GRK7: variants seen among roughly 807,000 people sequenced by gnomAD.
GRK7 encodes G protein-coupled receptor kinase 7, also known as rhodopsin kinase GRK7.
A neutral mutation model predicts 34.1 loss-of-function variants in GRK7; 24 were observed. The ratio of observed to expected loss-of-function variants is 0.70; its 90% CI spans 0.51 to 0.99. GRK7 has a LOEUF of 0.99. Among genes scored for constraint, GRK7 ranks in the 50% least tolerant of loss-of-function variants. The probability of loss-of-function intolerance (pLI) is 0.00; values close to 1 mark genes in which losing one functional copy is unlikely to be tolerated. For missense variants in GRK7, 644 were observed against 707.3 expected, an observed-to-expected ratio of 0.91 and a Z score of 1.02; for synonymous variants, 256 against 279.4, an observed-to-expected ratio of 0.92 and a Z score of 0.84.
At chr3:141,770,063 C>T (rs573981801) in intron 1 of GRK7, among the ~76,000 whole-genome samples, 1 of 152,076 alleles carries the variant, frequency 6.6e-6, no homozygotes, top group African/African-American at 2.4e-5. Flanking sequence ...TACAACCGCC[C>T]GCTACCATGC....
At chr3:141,772,287 G>T (rs2084620408) in intron 1 of GRK7, among the ~76,000 whole-genome samples, 1 of 151,612 alleles carries the variant, frequency 6.6e-6, no homozygotes, top group South Asian at 2.1e-4. Context: ...TAGAGATGAG[G>T]TTTCACCATA....
chr3:141,816,547 G>A (rs533406039), intron 5 of GRK7, among the ~76,000 whole-genome samples, 167 bp from the exon 6 acceptor site: 1 of 151,946 alleles, frequency 6.6e-6, no homozygotes, highest in Non-Finnish European at 1.5e-5. Context: ...GGGAATTTGG[G>A]GTGATTTCAA....
In GRK7 at chr3:141,790,484, C is replaced by T. The variant is rs568012099; in HGVS notation, c.1050+9673C>T. 1.1e-4 allele frequency among the ~76,000 whole-genome samples: 17 copies of T among 152,038 alleles called. 1 individual carries two copies. Among genetic ancestry groups the T allele is most frequent in the African/African-American group, 3.9e-4 (16 of 41,466 alleles). On this transcript the variant is annotated intron_variant, in intron 4 of 5. Transcript: ENST00000682958. ...TCAGCCCCACCTACACAGGGAATGA[C>T]GGCCATTAATATTTCAGAGCCAGCT...
intron 4 of GRK7, among the ~76,000 whole-genome samples, chr3:141,782,132 G>C (rs2084674774): frequency 6.6e-6 from 1 of 152,140 alleles, no homozygotes; most frequent in African/African-American, 2.4e-5. Context: ...GTTTTAAGAA[G>C]GGAAATGACA....
chr3:141,773,582 G>A (rs2084626210), intron 1 of GRK7, among the ~76,000 whole-genome samples: 1 of 152,092 alleles, frequency 6.6e-6, no homozygotes, highest in Admixed American at 6.6e-5. Context: ...CACTATCTCG[G>A]CTCACTGCAA....
At chr3:141,770,565 G>GA (rs59359078) in intron 1 of GRK7, among the ~76,000 whole-genome samples, 11,367 of 131,164 alleles carry the variant, frequency 0.087, 591 homozygotes, top group African/African-American at 0.18. Flanking sequence ...AAAGAAAAAA[G>GA]AAAAAAAAAA....
At chr3:141,762,081 G>T (rs1012059460), upstream of GRK7, among the ~76,000 whole-genome samples, 1 of 149,972 alleles carries the variant, frequency 6.7e-6, no homozygotes, top group Non-Finnish European at 1.5e-5. Context: ...GTAGCTCAGA[G>T]TAATTTGATT....
At chr3:141,797,275 A>T (rs967410452) in intron 4 of GRK7, among the ~76,000 whole-genome samples, 11 of 152,294 alleles carry the variant, frequency 7.2e-5, no homozygotes, top group African/African-American at 2.6e-4. Flanking sequence ...AGCCCTGAGA[A>T]GCCAGGGGCA....
At chr3:141,801,036 T>C (rs541211875) in intron 4 of GRK7, among the ~76,000 whole-genome samples, 91 of 152,058 alleles carry the variant, frequency 6.0e-4, no homozygotes, top group African/African-American at 2.1e-3. Flanking sequence ...ATGGGCCGGG[T>C]GCAGTGGCTC....
intron 2 of GRK7, among the ~76,000 whole-genome samples, 176 bp downstream of exon 2, chr3:141,774,856 G>A (rs1212600702): frequency 2.6e-5 from 4 of 151,232 alleles, no homozygotes; most frequent in South Asian, 4.2e-4. Flanking sequence ...TCACTCTGTC[G>A]ATCTCGGTTC....
intron 5 of GRK7, among the ~76,000 whole-genome samples, chr3:141,809,362 T>A (rs1199027269): frequency 6.6e-6 from 1 of 152,166 alleles, no homozygotes; most frequent in African/African-American, 2.4e-5. Flanking sequence ...ACTGTTAAAA[T>A]TGAAGCCAAG....
intron 1 of GRK7, among the ~76,000 whole-genome samples, chr3:141,768,773 G>A (rs2107871551): frequency 6.6e-6 from 1 of 152,174 alleles, no homozygotes; most frequent in East Asian, 1.9e-4. Context: ...AGGAGCCAGT[G>A]GTTTCCATCC....
At chr3:141,800,469 G>A (rs1278767439) in intron 4 of GRK7, among the ~76,000 whole-genome samples, 2 of 149,946 alleles carry the variant, frequency 1.3e-5, no homozygotes, top group Admixed American at 6.6e-5. Flanking sequence ...AAACAAGAAC[G>A]ATGCAGGGAA....
chr3:141,771,079 A>G (rs2084614975), intron 1 of GRK7, among the ~76,000 whole-genome samples: 1 of 152,180 alleles, frequency 6.6e-6, no homozygotes, highest in Non-Finnish European at 1.5e-5. Context: ...TATCTCCTCA[A>G]AGGAAATCAT....
intron 4 of GRK7, among the ~76,000 whole-genome samples, chr3:141,794,271 G>C (rs541160148): frequency 6.6e-6 from 1 of 152,350 alleles, no homozygotes; most frequent in African/African-American, 2.4e-5. Flanking sequence ...ATGCCTCTGA[G>C]CACAGGGCCC....
the GRK7 span, among the ~76,000 whole-genome samples, chr3:141,753,300 C>G: frequency 6.6e-6 from 1 of 152,200 alleles, no homozygotes; most frequent in Non-Finnish European, 1.5e-5. Flanking sequence ...GCTGTATATT[C>G]TGTTTTCAAC....
chr3:141,815,226 GTTTT>G (rs758074179), intron 5 of GRK7, among the ~76,000 whole-genome samples: 6 of 104,326 alleles, frequency 5.8e-5, no homozygotes, highest in Admixed American at 3.0e-4. Flanking sequence ...TGTCTGGTTG[GTTTT>G]TTTTGTTTGT....
chr3:141,797,656 C>A (rs1413208277), intron 4 of GRK7, among the ~76,000 whole-genome samples: 1 of 152,100 alleles, frequency 6.6e-6, no homozygotes, highest in Non-Finnish European at 1.5e-5. Flanking sequence ...GAAGAGGCAT[C>A]CGCGGGCGAT....
chr3:141,804,629 A>G (rs1711004658), intron 4 of GRK7, among the ~76,000 whole-genome samples: 1 of 150,722 alleles, frequency 6.6e-6, no homozygotes, highest in Non-Finnish European at 1.5e-5. Flanking sequence ...TCATACATAC[A>G]CACACTCACA....
Sources: gnomAD v4.1 joint callset for allele counts (sites outside exome capture counted in the v4.1 genomes callset) on GRCh38, gnomAD v4.1.1 for gene constraint, MANE v1.5 for transcripts, NCBI Gene and HGNC (gene_info 2026-07-23, HGNC 2026-07-21) for gene names.